CCDC85A: variants seen among roughly 807,000 people sequenced by gnomAD.
CCDC85A encodes the protein coiled-coil domain-containing protein 85A.
Under a neutral mutation model 50.2 loss-of-function variants are expected in CCDC85A, and 38 were observed. The observed-to-expected ratio is 0.76, with a 90% CI of 0.58 to 0.99. CCDC85A has a LOEUF of 0.99. CCDC85A is among the 50% of genes least tolerant of loss of function. The probability of loss-of-function intolerance (pLI) is 0.00; values close to 1 mark genes in which losing one functional copy is unlikely to be tolerated. For missense variants in CCDC85A, 820 were observed against 742.0 expected (o/e 1.11, Z -1.22); for synonymous variants, 366 against 301.4 (o/e 1.21, Z -2.22).
At chr2:56,382,001 G>A (rs998280705) in intron 5 of CCDC85A, among the ~76,000 whole-genome samples, 7 of 151,866 alleles carry the variant, frequency 4.6e-5, no homozygotes, top group African/African-American at 1.7e-4. Context: ...TATGTTTTCT[G>A]TCTCCTTTTG....
At chr2:56,240,025 A>C (rs1360457782) in intron 2 of CCDC85A, among the ~76,000 whole-genome samples, 2 of 152,160 alleles carry the variant, frequency 1.3e-5, no homozygotes, top group Non-Finnish European at 2.9e-5. Flanking sequence ...ATTGGGATGT[A>C]ATGCATATAT....
At chr2:56,261,890 G>A (rs1224396154) in intron 2 of CCDC85A, among the ~76,000 whole-genome samples, 2 of 152,102 alleles carry the variant, frequency 1.3e-5, no homozygotes, top group Admixed American at 6.5e-5. Flanking sequence ...CAACTGCCCA[G>A]AGGCCCAGCC....
rs1435189618 is a variant in CCDC85A at position 56,192,356 on chromosome 2, C to A, written c.277-121C>A. 2 of 1,406,652 alleles carry A rather than the reference C, an allele frequency of 1.4e-6. No individual in the cohort carries two copies. Among genetic ancestry groups the A allele is most frequent in the East Asian group, 4.6e-5 (2 of 43,440 alleles). 87.1% of individuals were successfully genotyped at this position (1,406,652 alleles called of 1,614,324 possible). A position where few individuals can be genotyped will look rare whatever the true frequency, so the allele number is the denominator to read the frequency against. The stretch of plus-strand genomic sequence containing the variant: ...AATCTTCAGCTTCCTCCTACTCCCT[C>A]ACCTCCTCCCCTAACCTCACAGGTA... On this transcript the variant is annotated intron_variant, in intron 1 of 5. Transcript: ENST00000407595. The surrounding 1 kb of genome is among the most constrained non-coding windows in gnomAD (Gnocchi z 4.7).
chr2:56,336,548 C>T (rs1674084299), intron 2 of CCDC85A, among the ~76,000 whole-genome samples: 1 of 152,184 alleles, frequency 6.6e-6, no homozygotes, highest in Non-Finnish European at 1.5e-5. Flanking sequence ...GAGATGACAT[C>T]ACTTCATCTA....
chr2:56,276,465 G>C (rs1476395820), intron 2 of CCDC85A, among the ~76,000 whole-genome samples: 1 of 152,050 alleles, frequency 6.6e-6, no homozygotes, highest in Non-Finnish European at 1.5e-5. Flanking sequence ...GGAGGTGATT[G>C]AATTATGGGG....
intron 2 of CCDC85A, among the ~76,000 whole-genome samples, chr2:56,335,530 A>G (rs549933585): frequency 1.3e-5 from 2 of 152,208 alleles, no homozygotes; most frequent in South Asian, 2.1e-4. Context: ...TCAAGGGGTT[A>G]GTATTCAGTA....
At chr2:56,336,967 C>G (rs1019935474) in intron 2 of CCDC85A, among the ~76,000 whole-genome samples, 2 of 152,102 alleles carry the variant, frequency 1.3e-5, no homozygotes, top group African/African-American at 2.4e-5. Flanking sequence ...ATGTGGTGCT[C>G]GAGTAATGAA....
At chr2:56,305,567 C>T (rs1672405785) in intron 2 of CCDC85A, among the ~76,000 whole-genome samples, 1 of 152,164 alleles carries the variant, frequency 6.6e-6, no homozygotes, top group African/African-American at 2.4e-5. Flanking sequence ...AGGGCACAGC[C>T]CATAGATAAT....
intron 2 of CCDC85A, among the ~76,000 whole-genome samples, chr2:56,271,821 A>G (rs1245074416): frequency 2.0e-5 from 3 of 152,166 alleles, no homozygotes; most frequent in Admixed American, 2.0e-4. Flanking sequence ...GCAGAAATAT[A>G]TCAGAACTTG....
intron 2 of CCDC85A, among the ~76,000 whole-genome samples, chr2:56,307,280 T>G (rs897562096): frequency 6.6e-6 from 1 of 152,178 alleles, no homozygotes; most frequent in African/African-American, 2.4e-5. Flanking sequence ...TAGATAAAGT[T>G]TGTCATGATG....
At chr2:56,365,736 A>G (rs1246398011) in intron 3 of CCDC85A, among the ~76,000 whole-genome samples, 2 of 152,236 alleles carry the variant, frequency 1.3e-5, no homozygotes, top group African/African-American at 4.8e-5. Context: ...TAACATATAC[A>G]TCAGTTCGCA....
Position 56,184,394 on chromosome 2 carries a change from G to A in CCDC85A, c.-231G>A. 1 of 504,328 alleles carries A rather than the reference G, an allele frequency of 2.0e-6. No individual in the cohort carries two copies. The highest frequency in any genetic ancestry group is 2.9e-6 in the Non-Finnish European group (1 of 342,084). 31.2% of individuals were successfully genotyped at this position (504,328 alleles called of 1,614,324 possible). A position where few individuals can be genotyped will look rare whatever the true frequency, so the allele number is the denominator to read the frequency against. The stretch of plus-strand genomic sequence containing the variant: ...GGAGTTGGGACGGGCCTCGGCAGCA[G>A]CAAGCGGCTGGCTGCCGGGCCCTGG... On this transcript the variant is annotated 5_prime_UTR_variant, in exon 1 of 6. Coordinates refer to ENST00000407595, the MANE Select transcript of CCDC85A (RefSeq NM_001080433.2).
chr2:56,238,269 T>C (rs552422600), intron 2 of CCDC85A, among the ~76,000 whole-genome samples: 120 of 151,932 alleles, frequency 7.9e-4, no homozygotes, highest in African/African-American at 2.8e-3. Flanking sequence ...TACAAAAAAT[T>C]AGCTAGGCAT....
Position 56,193,382 on chromosome 2 carries a change from A to G in CCDC85A, c.1182A>G (p.Arg394=). ...SGGGSREGTL[R]RQAQEDGSPH... ...GAGGCAGCAGGGAGGGCACCCTCAGACGGCAGGCACAGGAGGACGGGTCAC... is the reference window on the plus strand; with the variant it reads ...GAGGCAGCAGGGAGGGCACCCTCAGGCGGCAGGCACAGGAGGACGGGTCAC... Residue 394 remains arginine, a synonymous_variant, in exon 2 of 6, where the codon AGA becomes AGG. Transcript: ENST00000407595. The G allele has an allele frequency of 1.9e-6, 3 of 1,611,558 alleles. No homozygotes were observed. The highest frequency in any genetic ancestry group is 2.5e-6 in the Non-Finnish European group (3 of 1,178,824).
Position 56,184,559 on chromosome 2 carries a change from G to C in CCDC85A, c.-66G>C. 4 of 1,354,426 alleles carry C rather than the reference G, an allele frequency of 3.0e-6. No homozygotes were observed. Among genetic ancestry groups the C allele is most frequent in the Non-Finnish European group, 3.8e-6 (4 of 1,061,612 alleles). The allele number at this position is 1,354,426 out of a possible 1,614,324, so 83.9% of individuals were successfully genotyped here. A position where few individuals can be genotyped will look rare whatever the true frequency, so the allele number is the denominator to read the frequency against. On this transcript the variant is annotated 5_prime_UTR_variant, in exon 1 of 6. Coordinates refer to ENST00000407595, the MANE Select transcript of CCDC85A (RefSeq NM_001080433.2). Reference sequence around the variant, plus strand: ...GGGTGTGGGCGGAGGCGGCCTCGCCGCGCCCGCGCCTTCGGGAGTCGCCTC... The same window carrying C: ...GGGTGTGGGCGGAGGCGGCCTCGCCCCGCCCGCGCCTTCGGGAGTCGCCTC...
At chr2:56,336,199 G>T (rs1256255200) in intron 2 of CCDC85A, among the ~76,000 whole-genome samples, 1 of 151,734 alleles carries the variant, frequency 6.6e-6, no homozygotes, top group Non-Finnish European at 1.5e-5. Flanking sequence ...TGTCCCCCCA[G>T]GCTGGAGTGC....
At chr2:56,333,454 C>G (rs1195575201) in intron 2 of CCDC85A, among the ~76,000 whole-genome samples, 1 of 152,174 alleles carries the variant, frequency 6.6e-6, no homozygotes, top group Non-Finnish European at 1.5e-5. Context: ...AGAGAGAAAA[C>G]AGTCAGATCA....
intron 2 of CCDC85A, among the ~76,000 whole-genome samples, chr2:56,270,307 AAAG>A (rs1670642880): frequency 1.3e-5 from 2 of 152,238 alleles, no homozygotes; most frequent in South Asian, 4.1e-4. Context: ...GGATACCTAA[AAAG>A]AAAAAAATAT....
At position 56,255,189 on chromosome 2, in the gene CCDC85A, G is replaced by A. The variant is rs115299149; in HGVS notation, c.1240+61749G>A. The stretch of plus-strand genomic sequence containing the variant: ...GACTGACCACATGGCCCCACTTCAC[G>A]GCAAGGAACTGGGTGGTATAGTTTT... On this transcript the variant is annotated intron_variant, in intron 2 of 5. Transcript: ENST00000407595. Among the ~76,000 whole-genome samples the A allele has an allele frequency of 7.0e-3, 1,060 of 152,230 alleles. 15 individuals are homozygous for A. Among genetic ancestry groups the A allele is most frequent in the African/African-American group, 0.025 (1,024 of 41,522 alleles).
Sources: allele counts gnomAD v4.1 joint callset (sites outside exome capture counted in the v4.1 genomes callset), GRCh38; gene constraint gnomAD v4.1.1; non-coding constraint Gnocchi (gnomAD v3.1); transcripts MANE v1.5; gene names NCBI Gene and HGNC (gene_info 2026-07-23, HGNC 2026-07-21).